The following ADAM9 variants were observed in gnomAD, a reference collection of about 807,000 sequenced individuals.
ADAM9 encodes the protein disintegrin and metalloproteinase domain-containing protein 9.
ADAM9 carries 54 observed loss-of-function variants against 108.1 expected under a neutral mutation model. The observed-to-expected ratio is 0.50, with a 90% CI of 0.40 to 0.63. ADAM9 has a LOEUF of 0.63. Ranked by LOEUF, ADAM9 falls within the 20% of genes least tolerant of loss-of-function variation. ADAM9 has a pLI of 0.00. For missense variants in ADAM9, 830 were observed against 997.7 expected (o/e 0.83, Z 2.26); for synonymous variants, 316 against 336.0 (o/e 0.94, Z 0.65).
intron 20 of ADAM9, 136 bp from the exon 21 acceptor site, chr8:39,101,727 C>T (rs1839700846): frequency 2.6e-6 from 2 of 772,518 alleles, no homozygotes; most frequent in Non-Finnish European, 4.2e-6. Context: ...TGAAACTCTT[C>T]TGGTTCTAAG....
At chr8:39,046,367 G>A (rs1198487347) in intron 12 of ADAM9, among the ~76,000 whole-genome samples, 4 of 152,006 alleles carry the variant, frequency 2.6e-5, no homozygotes, top group East Asian at 3.9e-4. Flanking sequence ...GTTTTTTGAT[G>A]GACTCTTTGG....
At chr8:39,057,917 CA>C (rs1380735000) in intron 14 of ADAM9, among the ~76,000 whole-genome samples, 1 of 152,076 alleles carries the variant, frequency 6.6e-6, no homozygotes, top group East Asian at 1.9e-4. Flanking sequence ...TAACCCTCAT[CA>C]AAAATCCACT....
chr8:39,101,762 T>C (rs1208894351), intron 20 of ADAM9, 101 bp from the exon 21 acceptor site: 10 of 945,276 alleles, frequency 1.1e-5, no homozygotes, highest in Non-Finnish European at 1.6e-5. Context: ...AATATTCAAC[T>C]GTAGTCTGTT....
chr8:39,059,453 C>T (rs1248789001), intron 14 of ADAM9, among the ~76,000 whole-genome samples: 1 of 152,220 alleles, frequency 6.6e-6, no homozygotes, highest in Non-Finnish European at 1.5e-5. Context: ...AGAGGAAGTC[C>T]ATGATGCTGA....
At chr8:39,060,457 TGAG>T (rs1339884276) in intron 14 of ADAM9, among the ~76,000 whole-genome samples, 1 of 152,188 alleles carries the variant, frequency 6.6e-6, no homozygotes, top group Admixed American at 6.5e-5. Context: ...TGCAACCAAA[TGAG>T]GAATATTTTG....
chr8:39,079,785 A>G (rs1459624725), intron 16 of ADAM9, among the ~76,000 whole-genome samples: 1 of 152,150 alleles, frequency 6.6e-6, no homozygotes, highest in African/African-American at 2.4e-5. Context: ...GGGTTTCGCC[A>G]TATTGGCCAG....
At chr8:39,065,691 T>C (rs1321056818) in intron 14 of ADAM9, among the ~76,000 whole-genome samples, 1 of 148,134 alleles carries the variant, frequency 6.8e-6, no homozygotes, top group Non-Finnish European at 1.5e-5. Context: ...AAGGACATAA[T>C]CTGTTCTTAT....
intron 4 of ADAM9, chr8:39,014,695 A>G: frequency 1.6e-6 from 1 of 608,618 alleles, no homozygotes; most frequent in East Asian, 2.8e-5. Context: ...GGTTTTCATG[A>G]GAAATCTTTA....
rs770166682 is a variant in ADAM9 at position 39,014,145 on chromosome 8, A to G, written c.333+102A>G. Reference sequence around the variant, plus strand: ...CAGGACTGTTACATTGCACAGCCCCACAGGGTACCTTTAACATTATAACAT... The same window carrying G: ...CAGGACTGTTACATTGCACAGCCCCGCAGGGTACCTTTAACATTATAACAT... On this transcript the variant is annotated intron_variant, in intron 4 of 21. Coordinates refer to ENST00000487273, the MANE Select transcript of ADAM9 (RefSeq NM_003816.3). 3 of 925,974 alleles carry G rather than the reference A, an allele frequency of 3.2e-6. 1 individual carries two copies. The South Asian group carries it at 4.0e-5, about 12-fold the overall frequency. The allele number at this position is 925,974 out of a possible 1,614,324, so 57.4% of individuals were successfully genotyped here. A position where few individuals can be genotyped will look rare whatever the true frequency, so the allele number is the denominator to read the frequency against.
intron 16 of ADAM9, among the ~76,000 whole-genome samples, chr8:39,077,945 G>A (rs1486398295): frequency 6.6e-6 from 1 of 152,290 alleles, no homozygotes; most frequent in African/African-American, 2.4e-5. Flanking sequence ...GTAAGAATTC[G>A]TTGGGAGATG....
At chr8:39,053,007 T>C (rs1027255748) in intron 12 of ADAM9, among the ~76,000 whole-genome samples, 1 of 152,200 alleles carries the variant, frequency 6.6e-6, no homozygotes, top group Admixed American at 6.5e-5. Context: ...GTGTGGTCAG[T>C]GTTTTTAATT....
At chr8:39,000,320 T>A (rs1835957778) in intron 1 of ADAM9, among the ~76,000 whole-genome samples, 1 of 152,220 alleles carries the variant, frequency 6.6e-6, no homozygotes, top group African/African-American at 2.4e-5. Flanking sequence ...ATGGGTCTAA[T>A]GTGGACCCAA....
At chr8:39,067,257 A>G (rs1838511392) in intron 14 of ADAM9, among the ~76,000 whole-genome samples, 1 of 152,136 alleles carries the variant, frequency 6.6e-6, no homozygotes, top group African/African-American at 2.4e-5. Context: ...TTCCATATGA[A>G]CTTTAAAGTA....
intron 14 of ADAM9, among the ~76,000 whole-genome samples, chr8:39,062,912 T>C (rs1330373599): frequency 6.6e-6 from 1 of 152,228 alleles, no homozygotes; most frequent in East Asian, 1.9e-4. Context: ...AATCCCTTTC[T>C]CTGCATTAAA....
chr8:39,069,979 T>TAAA (rs869079193), intron 14 of ADAM9, among the ~76,000 whole-genome samples: 2 of 117,338 alleles, frequency 1.7e-5, no homozygotes, highest in African/African-American at 6.5e-5. Context: ...CTTGTCTCAC[T>TAAA]AAAAAAAAAA....
intron 15 of ADAM9, among the ~76,000 whole-genome samples, chr8:39,072,055 A>G (rs1165714259): frequency 3.3e-5 from 5 of 152,200 alleles, no homozygotes; most frequent in Non-Finnish European, 5.9e-5. Context: ...CTGCAGAAGA[A>G]ACTCTGAACT....
rs73602789 is a variant in ADAM9 at position 39,079,973 on chromosome 8, A to G, written c.1881+2562A>G. Among the ~76,000 whole-genome samples, 1,221 of 152,344 alleles carry G rather than the reference A, an allele frequency of 8.0e-3. 24 individuals carry two copies. Among genetic ancestry groups the G allele is most frequent in the African/African-American group, 0.028 (1,159 of 41,580 alleles). On this transcript the variant is annotated intron_variant, in intron 16 of 21. Transcript: ENST00000487273. ...AAAGCTTTTTGTATCTCAGTATAAT[A>G]TGAATATCTGGCTTTTATTGGCACA...
chr8:39,013,655 A>C (rs1836431744), intron 3 of ADAM9, among the ~76,000 whole-genome samples: 1 of 151,976 alleles, frequency 6.6e-6, no homozygotes, highest in South Asian at 2.1e-4. Context: ...TGTGTGTGCC[A>C]CTATGCCCAG....
chr8:39,047,404 T>C (rs1419791632), intron 12 of ADAM9, among the ~76,000 whole-genome samples: 1 of 152,210 alleles, frequency 6.6e-6, no homozygotes, highest in Non-Finnish European at 1.5e-5. Context: ...GTTTGGTAGA[T>C]TTCACCAGTA....
Sources: gnomAD v4.1 joint callset for allele counts (sites outside exome capture counted in the v4.1 genomes callset) on GRCh38, gnomAD v4.1.1 for gene constraint, MANE v1.5 for transcripts, NCBI Gene and HGNC (gene_info 2026-07-23, HGNC 2026-07-21) for gene names.